Variants in SLIT2 observed in about 807,000 individuals in gnomAD.
SLIT2 encodes slit homolog 2 protein.
In SLIT2, 41 loss-of-function variants were observed where a neutral mutation model predicts 185.7. The ratio of observed to expected loss-of-function variants is 0.22; its 90% CI spans 0.17 to 0.29. The LOEUF (loss-of-function observed/expected upper bound fraction) is 0.29. Ranked by LOEUF, SLIT2 falls within the 10% of genes least tolerant of loss-of-function variation. SLIT2 has a pLI of 1.00. For synonymous variants in SLIT2, 693 were observed against 680.2 expected (o/e 1.02, Z -0.29); for missense variants, 1,571 against 1,909.0 (o/e 0.82, Z 3.30).
chr4:20,392,793 T>A (rs1408683386), intron 4 of SLIT2, among the ~76,000 whole-genome samples: 1 of 152,068 alleles, frequency 6.6e-6, no homozygotes, highest in Non-Finnish European at 1.5e-5. Context: ...TCCCTCCATA[T>A]CTTGTCCAGC....
At chr4:20,592,164 T>G (rs1727566406) in intron 30 of SLIT2, among the ~76,000 whole-genome samples, 1 of 152,184 alleles carries the variant, frequency 6.6e-6, no homozygotes, top group South Asian at 2.1e-4. Flanking sequence ...CAAATGTTGT[T>G]TAGACAAGTT....
chr4:20,319,269 A>G (rs987313738), intron 4 of SLIT2, among the ~76,000 whole-genome samples: 2 of 152,154 alleles, frequency 1.3e-5, no homozygotes, highest in East Asian at 1.9e-4. Context: ...TGTGTTTTCA[A>G]ATTTGTTACC....
At chr4:20,367,815 A>T (rs1377753337) in intron 4 of SLIT2, among the ~76,000 whole-genome samples, 1 of 151,950 alleles carries the variant, frequency 6.6e-6, no homozygotes, top group Non-Finnish European at 1.5e-5. Flanking sequence ...CCTCCTCATT[A>T]TCTCTCCAGG....
chr4:20,570,731 G>GTATATATA (rs55841917), intron 29 of SLIT2, among the ~76,000 whole-genome samples: 11 of 125,548 alleles, frequency 8.8e-5, no homozygotes, highest in South Asian at 5.4e-4. Flanking sequence ...ATATATATAT[G>GTATATATA]TATATATATA....
In SLIT2 at chr4:20,430,405, C is replaced by T. The variant is rs73108642; in HGVS notation, c.396-37347C>T. On this transcript the variant is annotated intron_variant, in intron 4 of 36. Transcript: ENST00000504154. ...GAAATGTTTTTGAAGACATTATGCA[C>T]TGTTTTCTCATGTGGCCTCTCAGGC... Among the ~76,000 whole-genome samples, 1,497 of 152,248 alleles carry T rather than the reference C, an allele frequency of 9.8e-3. 20 individuals carry two copies. Among genetic ancestry groups the T allele is most frequent in the African/African-American group, 0.033 (1,387 of 41,546 alleles).
chr4:20,571,550 A>G (rs1322021986), intron 29 of SLIT2, among the ~76,000 whole-genome samples: 4 of 152,212 alleles, frequency 2.6e-5, no homozygotes, highest in African/African-American at 9.6e-5. Context: ...ATTATGGGGA[A>G]GTATGAATGA....
At chr4:20,457,316 A>G (rs933539075) in intron 4 of SLIT2, among the ~76,000 whole-genome samples, 1 of 151,942 alleles carries the variant, frequency 6.6e-6, no homozygotes, top group Non-Finnish European at 1.5e-5. Context: ...ACCAGGGTGC[A>G]AGGAAGGAAG....
At chr4:20,368,955 A>G (rs889207625) in intron 4 of SLIT2, among the ~76,000 whole-genome samples, 2 of 152,144 alleles carry the variant, frequency 1.3e-5, no homozygotes, top group Non-Finnish European at 2.9e-5. Flanking sequence ...CCCTGTCCTC[A>G]ATGATGGAGA....
chr4:20,398,925 A>G (rs2109392428), intron 4 of SLIT2, among the ~76,000 whole-genome samples: 2 of 151,930 alleles, frequency 1.3e-5, no homozygotes, highest in South Asian at 4.1e-4. Flanking sequence ...TATACTTCAA[A>G]TTAATTGGAC....
In SLIT2 at chr4:20,523,879, C is replaced by T. The variant is rs753105055; in HGVS notation, c.1250C>T (p.Ser417Leu). The change falls in exon 13 of 37, where the codon TCA (serine) becomes TTA (leucine). Residue 417 changes from serine to leucine, a missense_variant. Physicochemically the swap from Ser to Leu is moderately radical, Grantham distance 145. Transcript: ENST00000504154. ...KLQTIAKGTF[S>L]PLRAIQTMHL... Reference sequence around the variant, plus strand: ...CAGACCATCGCCAAGGGGACCTTTTCACCTCTTCGGGCCATTCAAACTATG... The same window carrying T: ...CAGACCATCGCCAAGGGGACCTTTTTACCTCTTCGGGCCATTCAAACTATG... 5 of 1,614,008 alleles carry T rather than the reference C, an allele frequency of 3.1e-6. No homozygotes were observed. The Admixed American group carries it at 5.0e-5, about 16-fold the overall frequency.
At chr4:20,399,959 G>C (rs963317370) in intron 4 of SLIT2, among the ~76,000 whole-genome samples, 4 of 151,712 alleles carry the variant, frequency 2.6e-5, no homozygotes, top group African/African-American at 9.7e-5. Context: ...TAAATGCACT[G>C]ACTGAAGAGA....
rs1028459503 is a variant in SLIT2, at chr4:20,554,066, G to A, written c.2725+98G>A. On this transcript the variant is annotated intron_variant, in intron 26 of 36. Coordinates refer to ENST00000504154, the MANE Select transcript of SLIT2 (RefSeq NM_004787.4). ...GTCAATCCAAAGGTATGGTTGAAAT[G>A]CCCAGTAAATGATTATTTTTTCAGC... is the stretch of plus-strand genomic sequence containing the variant. 37 of 991,204 alleles carry A rather than the reference G, an allele frequency of 3.7e-5. No individual in the cohort carries two copies. The African/African-American group carries it at 4.8e-4, about 13-fold the overall frequency. The allele number at this position is 991,204 out of a possible 1,614,324, so 61.4% of individuals were successfully genotyped here.
chr4:20,618,690 A>T, intron 36 of SLIT2, 78 bp from the exon 37 acceptor site: 1 of 1,420,548 alleles, frequency 7.0e-7, no homozygotes, highest in Non-Finnish European at 9.5e-7. Context: ...CTTCTGAATT[A>T]AGTTGTGGAT....
At chr4:20,449,051 T>C (rs1216043282) in intron 4 of SLIT2, among the ~76,000 whole-genome samples, 3 of 152,204 alleles carry the variant, frequency 2.0e-5, no homozygotes, top group African/African-American at 7.2e-5. Context: ...TTTGTTGCTT[T>C]TCTTGAAAAT....
Position 20,484,607 on chromosome 4 carries a change from G to A in SLIT2, c.540-1593G>A, listed in dbSNP as rs16869665. Among the ~76,000 whole-genome samples the A allele has an allele frequency of 0.095, 14,443 of 152,038 alleles. 745 individuals are homozygous for A. The highest frequency in any genetic ancestry group is 0.13 in the African/African-American group (5,417 of 41,486). On this transcript the variant is annotated intron_variant, in intron 6 of 36. Coordinates refer to ENST00000504154, the MANE Select transcript of SLIT2 (RefSeq NM_004787.4). This position sits in a 1 kb window ranked among gnomAD's most constrained non-coding sequence, Gnocchi z 4.3. Reference sequence around the variant, plus strand: ...TTTGTCAATCTCTTGACCTCTGAACGCACCATCAATAACCGCAGCCACCAA... The same window carrying A: ...TTTGTCAATCTCTTGACCTCTGAACACACCATCAATAACCGCAGCCACCAA...
rs186023249 is a variant in SLIT2, at chr4:20,555,770, T to A, written c.2725+1802T>A. Among the ~76,000 whole-genome samples, 201 of 152,170 alleles carry A rather than the reference T, an allele frequency of 1.3e-3. 1 individual carries two copies. Among genetic ancestry groups the A allele is most frequent in the African/African-American group, 4.3e-3 (180 of 41,454 alleles). The stretch of plus-strand genomic sequence containing the variant: ...AACAAAACTCATCTGAGATTTTTTT[T>A]AAATGTATCTGGTGGAATCTAAATA... On this transcript the variant is annotated intron_variant, in intron 26 of 36. Coordinates refer to ENST00000504154, the MANE Select transcript of SLIT2 (RefSeq NM_004787.4).
At chr4:20,459,992 T>C (rs1359502101) in intron 4 of SLIT2, among the ~76,000 whole-genome samples, 1 of 151,616 alleles carries the variant, frequency 6.6e-6, no homozygotes. Flanking sequence ...GCCTCCCAAG[T>C]AGCTGAGATT....
At chr4:20,596,755 A>C (rs1728012382) in intron 32 of SLIT2, 100 bp downstream of exon 32, 2 of 1,192,812 alleles carry the variant, frequency 1.7e-6, no homozygotes, top group Non-Finnish European at 1.2e-6. Flanking sequence ...AGTATGTCTT[A>C]AATAGACAGT....
chr4:20,498,033 C>T (rs1327981350), intron 9 of SLIT2, among the ~76,000 whole-genome samples: 2 of 152,004 alleles, frequency 1.3e-5, no homozygotes, highest in African/African-American at 2.4e-5. Flanking sequence ...ATTAGCCAGG[C>T]GTGGCAGTGC....
Sources: allele counts gnomAD v4.1 joint callset (sites outside exome capture counted in the v4.1 genomes callset), GRCh38; gene constraint gnomAD v4.1.1; non-coding constraint Gnocchi (gnomAD v3.1); transcripts MANE v1.5; gene names NCBI Gene and HGNC (gene_info 2026-07-23, HGNC 2026-07-21).